SYT14: variants seen among roughly 807,000 people sequenced by gnomAD.
SYT14 encodes synaptotagmin-14.
In SYT14, 32 loss-of-function variants were observed where a neutral mutation model predicts 74.2. That is an observed-to-expected ratio of 0.43 (90% CI 0.33 to 0.58). The LOEUF is 0.58. SYT14 is among the 20% of genes least tolerant of loss of function. The pLI, the probability that SYT14 is intolerant of heterozygous loss-of-function variation, is 0.05. For synonymous variants in SYT14, 298 were observed against 337.7 expected (o/e 0.88, Z 1.29); for missense variants, 791 against 981.8 (o/e 0.81, Z 2.60).
intron 2 of SYT14, among the ~76,000 whole-genome samples, chr1:209,973,403 T>C (rs956191620): frequency 1.3e-5 from 2 of 152,082 alleles, no homozygotes; most frequent in Non-Finnish European, 2.9e-5. Flanking sequence ...GATGTTCCCC[T>C]TCCTGTGTCC....
chr1:209,990,549 G>GTATATATATATATACATATA, intron 2 of SYT14, among the ~76,000 whole-genome samples: 1 of 56,892 alleles, frequency 1.8e-5, no homozygotes, highest in Non-Finnish European at 4.7e-5. Flanking sequence ...GTATATATAT[G>GTATATATATATATACATATA]TATATATATA....
intron 4 of SYT14, among the ~76,000 whole-genome samples, chr1:210,018,291 G>A (rs150701949): frequency 7.2e-5 from 11 of 152,140 alleles, no homozygotes; most frequent in Non-Finnish European, 1.3e-4. Flanking sequence ...GCACCACCAC[G>A]CCCAGCTAGT....
chr1:210,037,195 T>C (rs917259739), intron 5 of SYT14, among the ~76,000 whole-genome samples: 2 of 152,090 alleles, frequency 1.3e-5, no homozygotes, highest in African/African-American at 4.8e-5. Context: ...CCATTTCCTC[T>C]AGGTTTTCTA....
intron 7 of SYT14, among the ~76,000 whole-genome samples, chr1:210,138,322 C>T (rs1292974315): frequency 1.3e-5 from 2 of 152,090 alleles, no homozygotes; most frequent in East Asian, 1.9e-4. Context: ...ATCAAGAGAA[C>T]AGCACAGGAA....
intron 7 of SYT14, among the ~76,000 whole-genome samples, chr1:210,144,341 A>G (rs1558219651): frequency 1.3e-5 from 2 of 152,240 alleles, no homozygotes; most frequent in Middle Eastern, 6.8e-3. Context: ...GTGTTCCCTA[A>G]TATATTAACA....
chr1:210,138,241 G>A (rs1225073580), intron 7 of SYT14, among the ~76,000 whole-genome samples: 5 of 152,156 alleles, frequency 3.3e-5, no homozygotes, highest in African/African-American at 4.8e-5. Flanking sequence ...CTTACATGGC[G>A]ACAGGCAAGA....
At chr1:210,094,511 C>G in exon 6 of SYT14, 2 of 1,613,820 alleles carry the variant, frequency 1.2e-6, no homozygotes, top group Non-Finnish European at 1.7e-6. Context: ...GAAGGAAGCA[C>G]AGGTCATGAA....
At chr1:210,160,817 A>G (rs1572398299) in exon 10 of SYT14, 1 of 1,614,068 alleles carries the variant, frequency 6.2e-7, no homozygotes. Flanking sequence ...AGCCAAATCC[A>G]GTATATAAGG....
chr1:210,053,024 CT>C (rs924769645), intron 5 of SYT14, among the ~76,000 whole-genome samples: 1 of 152,026 alleles, frequency 6.6e-6, no homozygotes, highest in Non-Finnish European at 1.5e-5. Flanking sequence ...ATTTTCTTTC[CT>C]TTATTTGTAC....
At chr1:209,940,571 T>C (rs1300948870) in intron 1 of SYT14, among the ~76,000 whole-genome samples, 1 of 152,196 alleles carries the variant, frequency 6.6e-6, no homozygotes, top group Non-Finnish European at 1.5e-5. Flanking sequence ...TCAATGATGA[T>C]GGGTCTAACA....
chr1:210,096,502 G>A (rs565027507), intron 6 of SYT14, among the ~76,000 whole-genome samples: 9 of 152,226 alleles, frequency 5.9e-5, no homozygotes, highest in Admixed American at 1.3e-4. Context: ...AGTGAGTATC[G>A]GTAGCAAGAC....
At chr1:210,131,040 C>A (rs991458504) in intron 7 of SYT14, among the ~76,000 whole-genome samples, 2 of 152,092 alleles carry the variant, frequency 1.3e-5, no homozygotes, top group South Asian at 4.1e-4. Flanking sequence ...TTGAAACTCA[C>A]GGTATTCATA....
chr1:210,074,962 G>A (rs922201713), intron 5 of SYT14, among the ~76,000 whole-genome samples: 5 of 152,212 alleles, frequency 3.3e-5, no homozygotes, highest in Non-Finnish European at 7.3e-5. Context: ...GTATCCCAGG[G>A]TTCTTGCCTT....
intron 7 of SYT14, among the ~76,000 whole-genome samples, chr1:210,139,265 C>CTTTTTTTTTTTT (rs960923188): frequency 1.7e-3 from 167 of 95,792 alleles, no homozygotes; most frequent in Non-Finnish European, 2.1e-3. Flanking sequence ...TTTCTTTTTT[C>CTTTTTTTTTTTT]TTTTTTTTTT....
At chr1:210,127,217 T>A (rs186209968) in intron 7 of SYT14, among the ~76,000 whole-genome samples, 28 of 152,316 alleles carry the variant, frequency 1.8e-4, no homozygotes, top group African/African-American at 6.7e-4. Context: ...CCACTTAGAC[T>A]TTATTTTCAT....
intron 7 of SYT14, among the ~76,000 whole-genome samples, chr1:210,153,058 A>G (rs1254680626): frequency 6.6e-6 from 1 of 152,150 alleles, no homozygotes; most frequent in Non-Finnish European, 1.5e-5. Flanking sequence ...AATATGAGTA[A>G]TGCTGCTATG....
Position 210,069,069 on chromosome 1 carries a change from G to A in SYT14, c.1313-25253G>A, listed in dbSNP as rs182443976. ...TGGATATAAAATTCCAAATATTTAA[G>A]CTAAAAGAAATCTCTTCTTGTTTCT... is the stretch of plus-strand genomic sequence containing the variant. On this transcript the variant is annotated intron_variant, in intron 5 of 9. Transcript: ENST00000637265. Among the ~76,000 whole-genome samples, 32 of 151,740 alleles carry A rather than the reference G, an allele frequency of 2.1e-4. No homozygotes were observed. In the East Asian group the frequency reaches 5.6e-3, roughly 27 times the overall value.
intron 7 of SYT14, among the ~76,000 whole-genome samples, chr1:210,124,139 G>T (rs1198372455): frequency 6.6e-6 from 1 of 151,906 alleles, no homozygotes; most frequent in East Asian, 1.9e-4. Flanking sequence ...TACAACAGCA[G>T]AGTGAGTAGT....
exon 10 of SYT14, chr1:210,167,856 T>G (rs2083472056): frequency 6.6e-6 from 1 of 152,230 alleles, no homozygotes; most frequent in African/African-American, 2.4e-5. Flanking sequence ...CCTGCCTTTT[T>G]TCCCCACTCT....
Sources: gnomAD v4.1 joint callset for allele counts (sites outside exome capture counted in the v4.1 genomes callset) on GRCh38, gnomAD v4.1.1 for gene constraint, MANE v1.5 for transcripts, NCBI Gene and HGNC (gene_info 2026-07-23, HGNC 2026-07-21) for gene names.